Variants in TET3 observed in about 807,000 individuals in gnomAD.
TET3 encodes the protein tet methylcytosine dioxygenase 3, also known as methylcytosine dioxygenase TET3.
A neutral mutation model predicts 141.4 loss-of-function variants in TET3; 19 were observed. That is an observed-to-expected ratio of 0.13 (90% confidence interval 0.09 to 0.20). TET3 has a LOEUF of 0.20. Among genes scored for constraint, TET3 ranks in the 10% least tolerant of loss-of-function variants. The pLI is 1.00. For missense variants in TET3, 1,874 were observed against 2,356.9 expected (o/e 0.80, Z 4.24); for synonymous variants, 1,043 against 980.9 (o/e 1.06, Z -1.18).
At chr2:74,024,627 G>T (rs1467824891) in intron 3 of TET3, among the ~76,000 whole-genome samples, 2 of 152,074 alleles carry the variant, frequency 1.3e-5, no homozygotes, top group Non-Finnish European at 2.9e-5. Flanking sequence ...GAGTTCTGGA[G>T]CCCCTCCTGC....
At chr2:74,127,123 A>ATTATTGG in the TET3 span, among the ~76,000 whole-genome samples, 1 of 152,184 alleles carries the variant, frequency 6.6e-6, no homozygotes, top group Non-Finnish European at 1.5e-5. Flanking sequence ...GCTTGCCTCT[A>ATTATTGG]CATTCATTAT....
At chr2:74,022,249 T>C (rs934505880) in intron 3 of TET3, among the ~76,000 whole-genome samples, 19 of 152,062 alleles carry the variant, frequency 1.2e-4, no homozygotes, top group African/African-American at 4.6e-4. Flanking sequence ...TTCCTTGCTA[T>C]GTTTAGTTGT....
chr2:74,039,491 C>G (rs927634688), intron 3 of TET3, among the ~76,000 whole-genome samples: 1 of 152,166 alleles, frequency 6.6e-6, no homozygotes, highest in Non-Finnish European at 1.5e-5. Flanking sequence ...CATCTTAAAA[C>G]TTTTTGGGGT....
chr2:73,988,943 G>T (rs1460293412), intron 2 of TET3, among the ~76,000 whole-genome samples: 2 of 133,440 alleles, frequency 1.5e-5, no homozygotes, highest in African/African-American at 2.9e-5. Context: ...TCTTAGCTTG[G>T]TAAAATACAA....
intron 5 of TET3, among the ~76,000 whole-genome samples, chr2:74,075,511 T>C (rs1689455958): frequency 6.6e-6 from 1 of 151,638 alleles, no homozygotes; most frequent in Admixed American, 6.6e-5. Flanking sequence ...GTATTTTTAA[T>C]AGAGACGGGG....
At chr2:74,096,505 G>A (rs753417585) in intron 10 of TET3, among the ~76,000 whole-genome samples, 21 of 151,492 alleles carry the variant, frequency 1.4e-4, no homozygotes, top group Non-Finnish European at 2.2e-4. Context: ...AGGGGCTCAC[G>A]CCTGTAATCC....
chr2:74,065,077 A>G (rs1688809561), intron 4 of TET3, among the ~76,000 whole-genome samples: 1 of 152,232 alleles, frequency 6.6e-6, no homozygotes, highest in African/African-American at 2.4e-5. Context: ...TGATAGATCC[A>G]TCTAAGCAAG....
the TET3 span, among the ~76,000 whole-genome samples, chr2:74,122,677 C>CTTTTT: frequency 2.4e-5 from 1 of 42,386 alleles, no homozygotes; most frequent in African/African-American, 1.3e-4. Context: ...CTACACCTAG[C>CTTTTT]TTTTTTTTTT....
chr2:74,049,907 G>T (rs1687852253), intron 4 of TET3, among the ~76,000 whole-genome samples: 6 of 152,044 alleles, frequency 3.9e-5, no homozygotes, highest in Admixed American at 3.9e-4. Flanking sequence ...GTTCCCACTG[G>T]CCCTGTCCAT....
chr2:74,006,201 G>A (rs1280177700), intron 3 of TET3, among the ~76,000 whole-genome samples: 1 of 152,144 alleles, frequency 6.6e-6, no homozygotes, highest in East Asian at 1.9e-4. Context: ...TTCTCTCTCG[G>A]GTATGTTTAT....
intron 3 of TET3, among the ~76,000 whole-genome samples, chr2:74,038,971 C>T (rs1315085087): frequency 1.1e-4 from 16 of 152,188 alleles, no homozygotes; most frequent in Admixed American, 9.2e-4. Context: ...ACGTTTCATC[C>T]CCATCTGTCT....
At chr2:74,089,862 G>A (rs1395643025) in intron 7 of TET3, 35 bp from the exon 8 acceptor site, 2 of 1,610,930 alleles carry the variant, frequency 1.2e-6, no homozygotes, top group African/African-American at 1.3e-5. Flanking sequence ...AAGGGATATT[G>A]CATCTATATC....
chr2:74,078,336 T>C (rs1231092491), intron 5 of TET3, among the ~76,000 whole-genome samples: 2 of 152,190 alleles, frequency 1.3e-5, no homozygotes, highest in South Asian at 2.1e-4. Flanking sequence ...TACAAAGATA[T>C]TTGTATATAT....
At chr2:73,997,773 C>T (rs2105115706) in intron 2 of TET3, among the ~76,000 whole-genome samples, 1 of 152,182 alleles carries the variant, frequency 6.6e-6, no homozygotes, top group South Asian at 2.1e-4. Flanking sequence ...TGAGTCTGAG[C>T]GGTGGGTAAA....
chr2:74,050,480 T>C (rs977215056), intron 4 of TET3, among the ~76,000 whole-genome samples: 5 of 152,226 alleles, frequency 3.3e-5, no homozygotes, highest in Non-Finnish European at 5.9e-5. Flanking sequence ...ATATATTAAT[T>C]ACCTAGCCAT....
chr2:74,118,183 T>TA, the TET3 span, among the ~76,000 whole-genome samples: 1 of 152,268 alleles, frequency 6.6e-6, no homozygotes, highest in East Asian at 1.9e-4. Flanking sequence ...TCTTGTGGTT[T>TA]TCACGTGTCT....
At chr2:74,029,813 G>A (rs1431940006) in intron 3 of TET3, among the ~76,000 whole-genome samples, 2 of 152,196 alleles carry the variant, frequency 1.3e-5, no homozygotes, top group Non-Finnish European at 2.9e-5. Context: ...TCTATAATGA[G>A]TTTGTAGTAT....
chr2:74,077,529 T>C (rs550730402), intron 5 of TET3, among the ~76,000 whole-genome samples: 1 of 152,358 alleles, frequency 6.6e-6, no homozygotes, highest in Admixed American at 6.5e-5. Context: ...GGCCTCTTCA[T>C]GATAGGCCAA....
chr2:74,030,132 T>G (rs1158458401), intron 3 of TET3, among the ~76,000 whole-genome samples: 2 of 152,224 alleles, frequency 1.3e-5, no homozygotes, highest in Admixed American at 1.3e-4. Flanking sequence ...GTTTGAGAGA[T>G]AAATGAATGA....
Sources: gnomAD v4.1 joint callset for allele counts (sites outside exome capture counted in the v4.1 genomes callset) on GRCh38, gnomAD v4.1.1 for gene constraint, MANE v1.5 for transcripts, NCBI Gene and HGNC (gene_info 2026-07-23, HGNC 2026-07-21) for gene names.